The following FGF1 variants were observed in gnomAD, a reference collection of about 807,000 sequenced individuals.
The protein encoded by FGF1 is fibroblast growth factor 1.
Under a neutral mutation model 13.4 loss-of-function variants are expected in FGF1, and 9 were observed. That is an observed-to-expected ratio of 0.67 (90% CI 0.40 to 1.17). The LOEUF (loss-of-function observed/expected upper bound fraction) is 1.17. Ranked by LOEUF, FGF1 falls within the 50% of genes most tolerant of loss-of-function variation. The pLI is 0.01. For missense variants in FGF1, 156 were observed against 192.7 expected, an observed-to-expected ratio of 0.81 and a Z score of 1.13; for synonymous variants, 93 against 79.0, an observed-to-expected ratio of 1.18 and a Z score of -0.94.
chr5:142,687,846 T>C (rs899207435), upstream of FGF1, among the ~76,000 whole-genome samples: 1 of 152,228 alleles, frequency 6.6e-6, no homozygotes, highest in African/African-American at 2.4e-5. Context: ...CGTGTTAACC[T>C]GCCTGCACTG....
chr5:142,615,458 G>C (rs17217191), intron 1 of FGF1, among the ~76,000 whole-genome samples: 1 of 152,182 alleles, frequency 6.6e-6, no homozygotes, highest in Admixed American at 6.5e-5. Context: ...TCATGACCTC[G>C]TGATCCGCCT....
At chr5:142,653,881 CA>C (rs1218467296) in intron 1 of FGF1, among the ~76,000 whole-genome samples, 1 of 152,168 alleles carries the variant, frequency 6.6e-6, no homozygotes, top group Non-Finnish European at 1.5e-5. Flanking sequence ...ATCACAAGTT[CA>C]AAAGATCAAG....
At chr5:142,655,906 T>TC (rs1768063888) in intron 1 of FGF1, among the ~76,000 whole-genome samples, 2 of 152,164 alleles carry the variant, frequency 1.3e-5, no homozygotes, top group Admixed American at 6.5e-5. Context: ...GCTGGTGAGA[T>TC]CAGAGGACCC....
chr5:142,693,434 G>A (rs879395375), intron 2 of FGF1, among the ~76,000 whole-genome samples: 2 of 152,078 alleles, frequency 1.3e-5, no homozygotes, highest in African/African-American at 4.8e-5. Flanking sequence ...TGGGATTACA[G>A]GCGTGCGCCA....
chr5:142,680,484 A>G (rs991045664), intron 1 of FGF1, among the ~76,000 whole-genome samples: 1 of 152,208 alleles, frequency 6.6e-6, no homozygotes, highest in Admixed American at 6.5e-5. Context: ...AGGCTCTGGT[A>G]AGCTGCTAGT....
In FGF1 at chr5:142,618,921, G is replaced by GTTTTTTTTTTTTTTTT. The variant is rs1343286807; in HGVS notation, c.-34-4761_-34-4760insAAAAAAAAAAAAAAAA. Reference sequence around the variant, plus strand: ...GGCAAACACTGACATTTATTTTTTAGTTGTTTTGTTTTTTTTTTTTTTTTT... The same window carrying GTTTTTTTTTTTTTTTT: ...GGCAAACACTGACATTTATTTTTTAGTTTTTTTTTTTTTTTTTTGTTTTGTTTTTTTTTTTTTTTTT... On this transcript the variant is annotated intron_variant, in intron 1 of 3. Coordinates refer to ENST00000337706, the MANE Select transcript of FGF1 (RefSeq NM_000800.5). Among the ~76,000 whole-genome samples, 5 of 108,370 alleles carry GTTTTTTTTTTTTTTTT rather than the reference G, an allele frequency of 4.6e-5. 1 individual carries two copies. Among genetic ancestry groups the GTTTTTTTTTTTTTTTT allele is most frequent in the East Asian group, 7.5e-4 (2 of 2,660 alleles). The allele number at this position is 108,370 out of a possible 152,430, so 71.1% of individuals were successfully genotyped here. A position where few individuals can be genotyped will look rare whatever the true frequency, so the allele number is the denominator to read the frequency against.
chr5:142,628,524 A>G (rs114060924), intron 1 of FGF1, among the ~76,000 whole-genome samples: 3,084 of 152,318 alleles, frequency 0.02, 104 homozygotes, highest in African/African-American at 0.07. Context: ...TCATGAGGCT[A>G]GAGATAGTTG....
chr5:142,676,804 G>A (rs76765292), intron 1 of FGF1, among the ~76,000 whole-genome samples: 5,019 of 152,242 alleles, frequency 0.033, 302 homozygotes, highest in African/African-American at 0.11. Context: ...CCAACTGAGT[G>A]AAGATTTCAT....
chr5:142,614,596 C>T (rs146989757), intron 1 of FGF1, among the ~76,000 whole-genome samples: 9 of 152,274 alleles, frequency 5.9e-5, no homozygotes, highest in South Asian at 2.1e-4. Context: ...TCCACCCTCA[C>T]GTTGCGTTGG....
chr5:142,686,736 C>T (rs551157076), upstream of FGF1, among the ~76,000 whole-genome samples: 6 of 152,212 alleles, frequency 3.9e-5, no homozygotes, highest in African/African-American at 7.2e-5. Context: ...TGGCATTTTA[C>T]GAAGTCAATC....
chr5:142,596,603 G>A (rs956739911), intron 3 of FGF1, among the ~76,000 whole-genome samples: 16 of 151,586 alleles, frequency 1.1e-4, no homozygotes, highest in African/African-American at 3.9e-4. Flanking sequence ...TAATTAGCTA[G>A]GTGCCATGGT....
intron 2 of FGF1, among the ~76,000 whole-genome samples, chr5:142,694,960 C>G (rs1752872848): frequency 6.6e-6 from 1 of 152,166 alleles, no homozygotes; most frequent in Admixed American, 6.5e-5. Flanking sequence ...TCTTCCTGCT[C>G]TCTGACCCAT....
At chr5:142,671,295 G>C (rs376619858) in intron 1 of FGF1, among the ~76,000 whole-genome samples, 2 of 152,154 alleles carry the variant, frequency 1.3e-5, no homozygotes, top group African/African-American at 4.8e-5. Flanking sequence ...ATATGAATCA[G>C]GTTAGTTCTT....
intron 1 of FGF1, among the ~76,000 whole-genome samples, chr5:142,676,261 A>C (rs1023646994): frequency 3.9e-5 from 6 of 152,228 alleles, no homozygotes; most frequent in African/African-American, 1.4e-4. Flanking sequence ...CAGCCGCAAC[A>C]ATCATTCATA....
intron 1 of FGF1, among the ~76,000 whole-genome samples, chr5:142,635,465 G>A (rs1194193996): frequency 6.6e-6 from 1 of 152,052 alleles, no homozygotes; most frequent in Non-Finnish European, 1.5e-5. Flanking sequence ...ATGCCCCCCC[G>A]CCCCTTCCAC....
chr5:142,633,634 G>A (rs745916986), intron 1 of FGF1, among the ~76,000 whole-genome samples: 1 of 152,192 alleles, frequency 6.6e-6, no homozygotes, highest in Admixed American at 6.5e-5. Context: ...GACTCTTGCC[G>A]GAGTCCAGTG....
In FGF1 at chr5:142,595,029, G is replaced by C; in HGVS notation, c.*261C>G. ...CATGGAGGGACTCAGCCTGCAAGAG[G>C]CAATTGGAGATCCAAACCCAGACCC... On this transcript the variant is annotated 3_prime_UTR_variant, in exon 4 of 4. Coordinates refer to ENST00000337706, the MANE Select transcript of FGF1 (RefSeq NM_000800.5). 1 of 396,460 alleles carries C rather than the reference G, an allele frequency of 2.5e-6. No homozygotes were observed. The highest frequency in any genetic ancestry group is 4.5e-6 in the Non-Finnish European group (1 of 221,958). 24.6% of individuals were successfully genotyped at this position (396,460 alleles called of 1,614,324 possible).
At chr5:142,689,702 T>TG (rs1238647129), upstream of FGF1, among the ~76,000 whole-genome samples, 1 of 148,128 alleles carries the variant, frequency 6.8e-6, no homozygotes, top group Non-Finnish European at 1.5e-5. Context: ...TAGTTTTTTT[T>TG]TTTTTTTTTT....
At chr5:142,629,303 G>A (rs1397402419) in intron 1 of FGF1, among the ~76,000 whole-genome samples, 5 of 152,006 alleles carry the variant, frequency 3.3e-5, no homozygotes, top group South Asian at 2.1e-4. Flanking sequence ...CTACAGGCAC[G>A]CACCACCACG....
Sources: allele counts gnomAD v4.1 joint callset (sites outside exome capture counted in the v4.1 genomes callset), GRCh38; gene constraint gnomAD v4.1.1; transcripts MANE v1.5; gene names NCBI Gene and HGNC (gene_info 2026-07-23, HGNC 2026-07-21).